Variants in SGCZ observed in about 807,000 individuals in gnomAD.
SGCZ encodes the protein sarcoglycan zeta.
In SGCZ, 40 loss-of-function variants were observed where a neutral mutation model predicts 41.3. The observed-to-expected ratio is 0.97, with a 90% confidence interval of 0.75 to 1.26. The LOEUF is 1.26. SGCZ is among the 50% of genes most tolerant of loss of function. SGCZ has a pLI of 0.00. For synonymous variants in SGCZ, 206 were observed against 137.5 expected, an observed-to-expected ratio of 1.50 and a Z score of -3.49; for missense variants, 552 against 369.8, an observed-to-expected ratio of 1.49 and a Z score of -4.04.
intron 1 of SGCZ, among the ~76,000 whole-genome samples, chr8:14,942,609 T>C (rs983138699): frequency 6.6e-6 from 1 of 152,190 alleles, no homozygotes; most frequent in African/African-American, 2.4e-5. Flanking sequence ...GACTTCTGTT[T>C]GGCAGCATTT....
chr8:14,403,921 G>C (rs949547460), intron 2 of SGCZ, among the ~76,000 whole-genome samples: 1 of 152,046 alleles, frequency 6.6e-6, no homozygotes, highest in Non-Finnish European at 1.5e-5. Context: ...GTTTCAACTG[G>C]GAGAAATATT....
intron 1 of SGCZ, among the ~76,000 whole-genome samples, chr8:15,039,049 C>A (rs1458222264): frequency 6.6e-6 from 1 of 151,986 alleles, no homozygotes; most frequent in Non-Finnish European, 1.5e-5. Flanking sequence ...ATTAGTATGG[C>A]CACTATGGAA....
At chr8:14,170,070 T>G (rs200429617) in intron 4 of SGCZ, among the ~76,000 whole-genome samples, 6 of 111,878 alleles carry the variant, frequency 5.4e-5, no homozygotes, top group Admixed American at 1.9e-4. Flanking sequence ...TTTTTTTTTT[T>G]TACTTTTCCT....
intron 1 of SGCZ, among the ~76,000 whole-genome samples, chr8:14,850,574 T>C (rs1183033731): frequency 1.3e-5 from 2 of 152,174 alleles, no homozygotes; most frequent in Non-Finnish European, 2.9e-5. Flanking sequence ...ATGGAGCTAC[T>C]TCATAGAATA....
intron 1 of SGCZ, among the ~76,000 whole-genome samples, chr8:14,715,202 C>G (rs1231879223): frequency 6.6e-6 from 1 of 151,992 alleles, no homozygotes; most frequent in African/African-American, 2.4e-5. Flanking sequence ...AGAGTGAATA[C>G]CTAACAATGG....
chr8:14,722,144 T>C (rs1261330155), intron 1 of SGCZ, among the ~76,000 whole-genome samples: 1 of 152,208 alleles, frequency 6.6e-6, no homozygotes, highest in African/African-American at 2.4e-5. Flanking sequence ...TCAGAACTAG[T>C]AGTATAAAAT....
At chr8:14,609,077 G>T (rs1463877436) in intron 1 of SGCZ, among the ~76,000 whole-genome samples, 2 of 152,036 alleles carry the variant, frequency 1.3e-5, no homozygotes, top group African/African-American at 4.8e-5. Context: ...TTTTTATGAT[G>T]AACTATTTTT....
chr8:14,453,019 C>T (rs1321745874), intron 2 of SGCZ, among the ~76,000 whole-genome samples: 4 of 152,066 alleles, frequency 2.6e-5, no homozygotes, highest in Non-Finnish European at 5.9e-5. Flanking sequence ...ACAAGAATCG[C>T]TTGAACCCAG....
intron 1 of SGCZ, among the ~76,000 whole-genome samples, chr8:15,159,725 GCCCCCGCCC>G (rs1799448566): frequency 9.6e-5 from 1 of 10,382 alleles, no homozygotes; most frequent in African/African-American, 3.8e-4. Flanking sequence ...CCCCTCCCTC[GCCCCCGCCC>G]CCCCCACCCT....
intron 2 of SGCZ, among the ~76,000 whole-genome samples, chr8:14,356,741 T>A (rs941093270): frequency 6.6e-6 from 1 of 152,106 alleles, no homozygotes; most frequent in Non-Finnish European, 1.5e-5. Flanking sequence ...TTTAATATTG[T>A]CTTTTCAATA....
In SGCZ at chr8:14,489,828, T is replaced by C. The variant is rs536029570; in HGVS notation, c.234+64904A>G. ...TTGACTAACCTCTCTCCTAACATCA[T>C]GCAGCAGATTTCACTGGCTCGCCGA... is the stretch of plus-strand genomic sequence containing the variant. On this transcript the variant is annotated intron_variant, in intron 2 of 7. Coordinates refer to ENST00000382080, the MANE Select transcript of SGCZ (RefSeq NM_139167.4). Among the ~76,000 whole-genome samples the C allele has an allele frequency of 7.9e-5, 12 of 151,546 alleles. No individual in the cohort carries two copies. The East Asian group carries it at 2.1e-3, about 27-fold the overall frequency.
At chr8:15,105,734 G>A (rs551051632) in intron 1 of SGCZ, among the ~76,000 whole-genome samples, 1 of 152,098 alleles carries the variant, frequency 6.6e-6, no homozygotes, top group Non-Finnish European at 1.5e-5. Flanking sequence ...TTTAATCATC[G>A]TTTGTAGGAT....
Position 14,551,507 on chromosome 8 carries a change from T to TTATATATAA in SGCZ, c.234+3224_234+3225insTTATATATA, listed in dbSNP as rs1803830575. On this transcript the variant is annotated intron_variant, in intron 2 of 7. Coordinates refer to ENST00000382080, the MANE Select transcript of SGCZ (RefSeq NM_139167.4). ...ATATATATTATATATATTATATATA[T>TTATATATAA]TATATATATTATATATAATATATAT... Among the ~76,000 whole-genome samples, 51 of 5,206 alleles carry TTATATATAA rather than the reference T, an allele frequency of 9.8e-3. 2 individuals are homozygous for TTATATATAA. The highest frequency in any genetic ancestry group is 0.036 in the African/African-American group (45 of 1,246). 3.4% of individuals were successfully genotyped at this position (5,206 alleles called of 152,430 possible). A position where few individuals can be genotyped will look rare whatever the true frequency, so the allele number is the denominator to read the frequency against.
chr8:15,171,337 A>G (rs1428869773), intron 1 of SGCZ, among the ~76,000 whole-genome samples: 1 of 152,232 alleles, frequency 6.6e-6, no homozygotes, highest in Non-Finnish European at 1.5e-5. Flanking sequence ...AAAGTGTCTC[A>G]TGCTTGAGTA....
At chr8:14,925,302 A>G (rs1215181800) in intron 1 of SGCZ, among the ~76,000 whole-genome samples, 1 of 152,212 alleles carries the variant, frequency 6.6e-6, no homozygotes, top group Non-Finnish European at 1.5e-5. Context: ...TCTAATTCAC[A>G]TAGCATTTCT....
intron 4 of SGCZ, among the ~76,000 whole-genome samples, chr8:14,184,545 A>G (rs1008097554): frequency 2.3e-4 from 35 of 152,198 alleles, no homozygotes; most frequent in African/African-American, 8.4e-4. Context: ...TATTGGAACT[A>G]CTAAACACTG....
intron 2 of SGCZ, among the ~76,000 whole-genome samples, chr8:14,497,131 T>G (rs1280343536): frequency 6.6e-6 from 1 of 152,186 alleles, no homozygotes; most frequent in African/African-American, 2.4e-5. Context: ...AGGGGTTGTG[T>G]TAGTCCATTT....
chr8:14,994,688 C>T (rs188665374), intron 1 of SGCZ, among the ~76,000 whole-genome samples: 1 of 152,068 alleles, frequency 6.6e-6, no homozygotes, highest in African/African-American at 2.4e-5. Context: ...ACTACATTCA[C>T]AGCACCTAGA....
At chr8:14,419,289 G>C (rs562248350) in intron 2 of SGCZ, among the ~76,000 whole-genome samples, 1 of 152,042 alleles carries the variant, frequency 6.6e-6, no homozygotes, top group East Asian at 1.9e-4. Context: ...CTAACAGCTA[G>C]ATAATGGGAG....
Sources: gnomAD v4.1 joint callset for allele counts (sites outside exome capture counted in the v4.1 genomes callset) on GRCh38, gnomAD v4.1.1 for gene constraint, MANE v1.5 for transcripts, NCBI Gene and HGNC (gene_info 2026-07-23, HGNC 2026-07-21) for gene names.